FAM163A: variants seen among roughly 807,000 people sequenced by gnomAD.
FAM163A encodes family with sequence similarity 163 member A, also known as protein FAM163A.
FAM163A carries 7 observed loss-of-function variants against 12.0 expected under a neutral mutation model. That is an observed-to-expected ratio of 0.58 (90% confidence interval 0.33 to 1.10). The LOEUF is 1.10. Ranked by LOEUF, FAM163A falls within the 50% of genes least tolerant of loss-of-function variation. The probability of loss-of-function intolerance (pLI) is 0.03; values close to 1 mark genes in which losing one functional copy is unlikely to be tolerated. For synonymous variants in FAM163A, 101 were observed against 91.0 expected (o/e 1.11, Z -0.62); for missense variants, 202 against 218.6 (o/e 0.92, Z 0.48).
At chr1:179,732,557 T>A in the FAM163A span, among the ~76,000 whole-genome samples, 1 of 151,970 alleles carries the variant, frequency 6.6e-6, no homozygotes, top group Non-Finnish European at 1.5e-5. Flanking sequence ...ACTGACCACA[T>A]TGGATCTTGA....
chr1:179,768,724 G>A (rs1687850074), intron 1 of FAM163A, among the ~76,000 whole-genome samples: 1 of 151,982 alleles, frequency 6.6e-6, no homozygotes, highest in Non-Finnish European at 1.5e-5. Context: ...TCCTGCCTCA[G>A]CCTCCCAAGT....
At chr1:179,807,112 T>C (rs115893580) in intron 1 of FAM163A, among the ~76,000 whole-genome samples, 2,256 of 149,846 alleles carry the variant, frequency 0.015, 28 homozygotes, top group Middle Eastern at 0.035. Context: ...AGGTCAACAC[T>C]GTCCTGGGTT....
chr1:179,729,917 C>A, the FAM163A span, among the ~76,000 whole-genome samples: 4 of 152,182 alleles, frequency 2.6e-5, no homozygotes, highest in Non-Finnish European at 4.4e-5. Context: ...GATGCATATG[C>A]CTTCCTGCAC....
At chr1:179,782,459 G>T (rs1008847406) in intron 1 of FAM163A, among the ~76,000 whole-genome samples, 1 of 151,958 alleles carries the variant, frequency 6.6e-6, no homozygotes, top group Admixed American at 6.6e-5. Flanking sequence ...CTCATTTGGC[G>T]GGCGGGAAAG....
intron 1 of FAM163A, among the ~76,000 whole-genome samples, chr1:179,759,984 G>A (rs1174854984): frequency 6.6e-6 from 1 of 152,106 alleles, no homozygotes; most frequent in Non-Finnish European, 1.5e-5. Flanking sequence ...TTAGGTCTTT[G>A]TAAAGCATGA....
At chr1:179,791,038 T>C (rs1204657288) in intron 1 of FAM163A, among the ~76,000 whole-genome samples, 2 of 152,146 alleles carry the variant, frequency 1.3e-5, no homozygotes, top group Non-Finnish European at 2.9e-5. Flanking sequence ...GTACCCAAAG[T>C]CTAACAGTCC....
intron 1 of FAM163A, among the ~76,000 whole-genome samples, chr1:179,771,180 A>G (rs1557922366): frequency 1.3e-5 from 2 of 152,048 alleles, no homozygotes; most frequent in Non-Finnish European, 2.9e-5. Context: ...CCCCATTGTC[A>G]AGGGAGCTGC....
intron 1 of FAM163A, among the ~76,000 whole-genome samples, chr1:179,788,259 C>G (rs1191141439): frequency 6.6e-6 from 1 of 152,238 alleles, no homozygotes; most frequent in South Asian, 2.1e-4. Flanking sequence ...ATAATCCTCT[C>G]TCTTTCCCAC....
upstream of FAM163A, among the ~76,000 whole-genome samples, chr1:179,741,810 A>G (rs1444823921): frequency 6.6e-6 from 1 of 152,232 alleles, no homozygotes; most frequent in Non-Finnish European, 1.5e-5. Flanking sequence ...CCATAAAGTC[A>G]GGATAGTTGC....
the FAM163A span, among the ~76,000 whole-genome samples, chr1:179,737,790 G>A: frequency 3.3e-5 from 5 of 150,678 alleles, no homozygotes; most frequent in Non-Finnish European, 4.4e-5. Context: ...AGTGGAGATC[G>A]CACCACTACA....
intron 1 of FAM163A, among the ~76,000 whole-genome samples, chr1:179,788,665 C>T (rs375421946): frequency 6.6e-6 from 1 of 152,224 alleles, no homozygotes; most frequent in East Asian, 1.9e-4. Context: ...ATCTATATCC[C>T]AGGGATCTTG....
intron 1 of FAM163A, among the ~76,000 whole-genome samples, chr1:179,754,144 G>A (rs1685683258): frequency 6.6e-6 from 1 of 151,578 alleles, no homozygotes; most frequent in African/African-American, 2.4e-5. Context: ...TTTTTTCTAA[G>A]CACTTGGAAG....
rs200887602 is a variant in FAM163A, at chr1:179,814,129, C to T, written c.444C>T (p.Thr148=). The T allele has an allele frequency of 3.2e-4, 512 of 1,614,092 alleles. No individual in the cohort carries two copies. Among genetic ancestry groups the T allele is most frequent in the Non-Finnish European group, 4.1e-4 (488 of 1,180,046 alleles). The part of the protein sequence containing the change: ...KLAAPQSYPV[T]WPGSGREAFT... ...CAGCACCCCAGAGTTACCCGGTGAC[C>T]TGGCCAGGCTCTGGGCGTGAGGCCT... The change falls in exon 5 of 5, where the codon ACC becomes ACT. Residue 148 remains threonine, a synonymous_variant. Transcript: ENST00000341785.
At chr1:179,772,913 G>C (rs1377115090) in intron 1 of FAM163A, among the ~76,000 whole-genome samples, 1 of 150,950 alleles carries the variant, frequency 6.6e-6, no homozygotes, top group Non-Finnish European at 1.5e-5. Context: ...AAAAGCACAA[G>C]AGCCAAAAGG....
At chr1:179,732,872 C>T in the FAM163A span, among the ~76,000 whole-genome samples, 2 of 108,608 alleles carry the variant, frequency 1.8e-5, no homozygotes, top group African/African-American at 7.4e-5. Context: ...CAGAGTGAGA[C>T]TCTGCCTCAA....
chr1:179,785,287 A>G (rs1201981232), intron 1 of FAM163A, among the ~76,000 whole-genome samples: 1 of 152,200 alleles, frequency 6.6e-6, no homozygotes, highest in Non-Finnish European at 1.5e-5. Context: ...GTCGACTAGA[A>G]AGGTCACTGC....
the FAM163A span, among the ~76,000 whole-genome samples, chr1:179,733,016 T>A: frequency 6.7e-6 from 1 of 150,094 alleles, no homozygotes; most frequent in Middle Eastern, 3.4e-3. Context: ...AAAGGCCACC[T>A]ACAGAGTGAA....
chr1:179,792,393 G>A (rs770592040), intron 1 of FAM163A, among the ~76,000 whole-genome samples: 2 of 151,260 alleles, frequency 1.3e-5, no homozygotes, highest in African/African-American at 4.9e-5. Context: ...ATCCACCCCC[G>A]CTTAGCCTCC....
chr1:179,751,358 A>G (rs1345638575), intron 1 of FAM163A, among the ~76,000 whole-genome samples: 1 of 152,170 alleles, frequency 6.6e-6, no homozygotes, highest in Non-Finnish European at 1.5e-5. Flanking sequence ...GAGAAATGTC[A>G]TGAAAGCCAA....
Sources: gnomAD v4.1 joint callset for allele counts (sites outside exome capture counted in the v4.1 genomes callset) on GRCh38, gnomAD v4.1.1 for gene constraint, MANE v1.5 for transcripts, NCBI Gene and HGNC (gene_info 2026-07-23, HGNC 2026-07-21) for gene names.